The following ARHGEF28 variants were observed in gnomAD, a reference collection of about 807,000 sequenced individuals.
ARHGEF28 encodes the protein Rho guanine nucleotide exchange factor 28, also known as 190 kDa guanine nucleotide exchange factor.
ARHGEF28 carries 152 observed loss-of-function variants against 206.6 expected under a neutral mutation model. That is an observed-to-expected ratio of 0.74 (90% CI 0.64 to 0.84). The LOEUF (loss-of-function observed/expected upper bound fraction) is 0.84, where lower values mean the gene tolerates loss of function less well. ARHGEF28 is among the 40% of genes least tolerant of loss of function. The probability of loss-of-function intolerance (pLI) is 0.00; values close to 1 mark genes in which losing one functional copy is unlikely to be tolerated. For synonymous variants in ARHGEF28, 763 were observed against 776.4 expected, an observed-to-expected ratio of 0.98 and a Z score of 0.29; for missense variants, 2,028 against 2,073.2, an observed-to-expected ratio of 0.98 and a Z score of 0.42.
At chr5:73,796,192 C>T (rs1754795301) in intron 9 of ARHGEF28, among the ~76,000 whole-genome samples, 1 of 152,174 alleles carries the variant, frequency 6.6e-6, no homozygotes, top group Non-Finnish European at 1.5e-5. Context: ...TGAGTTTGGG[C>T]ACCTGGATGT....
At chr5:73,639,750 A>C (rs1014281605) in intron 1 of ARHGEF28, among the ~76,000 whole-genome samples, 1 of 152,204 alleles carries the variant, frequency 6.6e-6, no homozygotes, top group Admixed American at 6.5e-5. Context: ...TCCCATGTAA[A>C]ACTGAAGTCT....
chr5:73,833,629 A>G lies in ARHGEF28; in HGVS notation c.1146+1170A>G, dbSNP rs117638814. On this transcript the variant is annotated intron_variant, in intron 10 of 35. Coordinates refer to ENST00000513042, the MANE Select transcript of ARHGEF28 (RefSeq NM_001177693.2). ...AGTGGGAGTTCTGAGGAGATTTTCA[A>G]GACACAGGATGTGTTAGTCCCTTCC... Among the ~76,000 whole-genome samples, 17 of 152,276 alleles carry G rather than the reference A, an allele frequency of 1.1e-4. No individual in the cohort carries two copies. The East Asian group carries it at 3.3e-3, about 29-fold the overall frequency.
At chr5:73,812,940 A>G (rs1230007192) in intron 9 of ARHGEF28, among the ~76,000 whole-genome samples, 1 of 152,134 alleles carries the variant, frequency 6.6e-6, no homozygotes, top group Non-Finnish European at 1.5e-5. Flanking sequence ...TGGATTGTTA[A>G]ATGAATTATG....
intron 2 of ARHGEF28, among the ~76,000 whole-genome samples, chr5:73,692,940 A>G (rs1747932322): frequency 6.6e-6 from 1 of 152,104 alleles, no homozygotes; most frequent in African/African-American, 2.4e-5. Flanking sequence ...TGGGCTACCT[A>G]TGACTGGCCT....
At chr5:73,774,571 T>C (rs1753437272) in intron 5 of ARHGEF28, among the ~76,000 whole-genome samples, 1 of 152,198 alleles carries the variant, frequency 6.6e-6, no homozygotes, top group African/African-American at 2.4e-5. Flanking sequence ...AATGCTATGG[T>C]ATGATTTAGT....
At chr5:73,800,814 T>C (rs889337829) in intron 9 of ARHGEF28, among the ~76,000 whole-genome samples, 1 of 151,896 alleles carries the variant, frequency 6.6e-6, no homozygotes, top group Non-Finnish European at 1.5e-5. Flanking sequence ...GAAAGTCCCC[T>C]GAAAGGAAAA....
chr5:73,843,295 G>A (rs1758104362), intron 11 of ARHGEF28, among the ~76,000 whole-genome samples: 1 of 152,154 alleles, frequency 6.6e-6, no homozygotes, highest in South Asian at 2.1e-4. Flanking sequence ...ACTGCTCAGG[G>A]GAAAGGGAGG....
intron 4 of ARHGEF28, among the ~76,000 whole-genome samples, chr5:73,760,666 A>G (rs1217153339): frequency 1.3e-5 from 2 of 152,182 alleles, no homozygotes; most frequent in Non-Finnish European, 2.9e-5. Flanking sequence ...TAAATCCTTA[A>G]TTTTAAAATG....
intron 1 of ARHGEF28, among the ~76,000 whole-genome samples, chr5:73,680,030 A>T (rs1403992840): frequency 6.6e-6 from 1 of 152,320 alleles, no homozygotes; most frequent in Non-Finnish European, 1.5e-5. Context: ...CTCATGAATG[A>T]CAAAGTGAAT....
chr5:73,922,941 A>G (rs902374638), intron 35 of ARHGEF28: 1 of 688,560 alleles, frequency 1.5e-6, no homozygotes, highest in African/African-American at 1.8e-5. Flanking sequence ...TGTTCAGCAT[A>G]AGCCCTGAAA....
intron 2 of ARHGEF28, among the ~76,000 whole-genome samples, chr5:73,711,848 T>G (rs1749266735): frequency 6.6e-6 from 1 of 152,090 alleles, no homozygotes; most frequent in Non-Finnish European, 1.5e-5. Context: ...TAGAAGTTAG[T>G]GAGAAAGGAC....
intron 1 of ARHGEF28, among the ~76,000 whole-genome samples, chr5:73,631,048 T>C (rs1347374598): frequency 6.6e-6 from 1 of 152,188 alleles, no homozygotes; most frequent in Non-Finnish European, 1.5e-5. Flanking sequence ...AGATTCCTTG[T>C]GTGGGCCATA....
intron 4 of ARHGEF28, among the ~76,000 whole-genome samples, chr5:73,753,581 C>T (rs928809743): frequency 2.0e-5 from 3 of 152,228 alleles, no homozygotes; most frequent in African/African-American, 7.2e-5. Context: ...GATCATGTCA[C>T]CAACTCTGTG....
intron 4 of ARHGEF28, among the ~76,000 whole-genome samples, chr5:73,762,132 G>T (rs1455868408): frequency 1.3e-5 from 2 of 151,528 alleles, no homozygotes; most frequent in Non-Finnish European, 2.9e-5. Context: ...ACACCTGGCT[G>T]GTTCTATCTT....
intron 2 of ARHGEF28, among the ~76,000 whole-genome samples, chr5:73,721,637 A>T (rs1749954705): frequency 6.6e-6 from 1 of 151,816 alleles, no homozygotes; most frequent in Admixed American, 6.6e-5. Flanking sequence ...CAGTGGTGTG[A>T]TCATAGCTCA....
chr5:73,810,480 T>C (rs1302183438), intron 9 of ARHGEF28, among the ~76,000 whole-genome samples: 1 of 152,190 alleles, frequency 6.6e-6, no homozygotes, highest in Non-Finnish European at 1.5e-5. Context: ...TCTTTGTCTA[T>C]ATTGCCCTGA....
intron 4 of ARHGEF28, among the ~76,000 whole-genome samples, chr5:73,773,466 C>T (rs966993210): frequency 6.6e-6 from 1 of 152,172 alleles, no homozygotes; most frequent in Admixed American, 6.5e-5. Flanking sequence ...AGCCTCCCTG[C>T]CTGAGCAGCA....
At chr5:73,737,462 CTTTTCTTTTCTTTTCTT>C in intron 2 of ARHGEF28, among the ~76,000 whole-genome samples, 2 of 62,042 alleles carry the variant, frequency 3.2e-5, no homozygotes, top group African/African-American at 1.4e-4. Flanking sequence ...CTTTTCTTTT[CTTTTCTTTTCTTTTCTT>C]TTCTTTTCTT....
At chr5:73,925,386 CT>C (rs1763742151) in intron 35 of ARHGEF28, among the ~76,000 whole-genome samples, 1 of 152,214 alleles carries the variant, frequency 6.6e-6, no homozygotes, top group Admixed American at 6.5e-5. Flanking sequence ...TCTCCTCCAC[CT>C]TTTACTCTCA....
Sources: allele counts gnomAD v4.1 joint callset (sites outside exome capture counted in the v4.1 genomes callset), GRCh38; gene constraint gnomAD v4.1.1; transcripts MANE v1.5; gene names NCBI Gene and HGNC (gene_info 2026-07-23, HGNC 2026-07-21).